Variants in BUB1B observed in about 807,000 individuals in gnomAD.
The protein encoded by BUB1B is mitotic checkpoint serine/threonine-protein kinase BUB1 beta.
Under a neutral mutation model 137.7 loss-of-function variants are expected in BUB1B, and 86 were observed. The ratio of observed to expected loss-of-function variants is 0.62; its 90% confidence interval spans 0.52 to 0.75. The LOEUF is 0.75. BUB1B is among the 30% of genes least tolerant of loss of function. BUB1B has a pLI of 0.00. For missense variants in BUB1B, 1,130 were observed against 1,236.9 expected (o/e 0.91, Z 1.30); for synonymous variants, 420 against 417.9 (o/e 1.00, Z -0.06).
chr15:40,192,224 T>C (rs1215241811), intron 8 of BUB1B, among the ~76,000 whole-genome samples: 1 of 152,206 alleles, frequency 6.6e-6, no homozygotes, highest in Non-Finnish European at 1.5e-5. Context: ...TTAATAGACT[T>C]TATTTTTTAG....
chr15:40,185,483 C>G, intron 7 of BUB1B, 68 bp from the exon 8 acceptor site: 1 of 1,581,556 alleles, frequency 6.3e-7, no homozygotes, highest in South Asian at 1.1e-5. Context: ...GAATATTTAG[C>G]CATGGTCTAT....
At position 40,220,933 on chromosome 15, in the gene BUB1B, A is replaced by G. The variant is rs568829255; in HGVS notation, c.*174A>G. The G allele has an allele frequency of 1.0e-5, 7 of 690,312 alleles. No homozygotes were observed. The East Asian group carries it at 1.9e-4, about 19-fold the overall frequency. 42.8% of individuals were successfully genotyped at this position (690,312 alleles called of 1,614,324 possible). On this transcript the variant is annotated 3_prime_UTR_variant, in exon 23 of 23. Transcript: ENST00000287598. ...TCACTGATATTTTTTATACAGTGAT[A>G]TACTTACTCATGGCCTTGTCTAACT...
chr15:40,213,777 A>ACC (rs2037743008), intron 20 of BUB1B, among the ~76,000 whole-genome samples: 1 of 152,144 alleles, frequency 6.6e-6, no homozygotes, highest in African/African-American at 2.4e-5. Context: ...GCCTCAAGTG[A>ACC]TCTGCCCACC....
chr15:40,176,733 T>C (rs537946550), intron 5 of BUB1B, 60 bp downstream of exon 5: 4 of 1,556,768 alleles, frequency 2.6e-6, no homozygotes, highest in Admixed American at 3.4e-5. Context: ...TTATCTCTTT[T>C]TTGCATCTGA....
At chr15:40,200,047 C>G in intron 10 of BUB1B, 197 bp from the exon 11 acceptor site, 1 of 622,634 alleles carries the variant, frequency 1.6e-6, no homozygotes, top group Non-Finnish European at 2.9e-6. Context: ...TAGTATATGC[C>G]TGGCACTGCT....
chr15:40,196,045 A>T (rs2037493620), intron 8 of BUB1B, among the ~76,000 whole-genome samples: 1 of 152,182 alleles, frequency 6.6e-6, no homozygotes, highest in South Asian at 2.1e-4. Flanking sequence ...TTGGTCATGA[A>T]GTCTTTACCG....
At chr15:40,216,474 T>C (rs1478286271) in intron 20 of BUB1B, among the ~76,000 whole-genome samples, 1 of 149,614 alleles carries the variant, frequency 6.7e-6, no homozygotes, top group Non-Finnish European at 1.5e-5. Flanking sequence ...GCACACACTT[T>C]ACATATATAT....
intron 14 of BUB1B, among the ~76,000 whole-genome samples, chr15:40,205,469 C>A (rs550955090): frequency 6.6e-6 from 1 of 152,206 alleles, no homozygotes; most frequent in South Asian, 2.1e-4. Flanking sequence ...AGATAAAGAA[C>A]TTTAGTGTTT....
Position 40,208,733 on chromosome 15 carries a change from A to G in BUB1B, c.2106A>G (p.Gln702=). The part of the protein sequence containing the change: ...VASTSSIKCL[Q]IPEKLELTNE... ...GCACCTCCTCCATCAAATGTCTTCAAATTCCTGAGAAACTAGAACTTACTA... is the reference window on the plus strand; with the variant it reads ...GCACCTCCTCCATCAAATGTCTTCAGATTCCTGAGAAACTAGAACTTACTA... The change falls in exon 16 of 23, where the codon CAA becomes CAG. Residue 702 remains glutamine (Q), a synonymous_variant. Transcript: ENST00000287598. 4 of 1,613,582 alleles carry G rather than the reference A, an allele frequency of 2.5e-6. No homozygotes were observed. The highest frequency in any genetic ancestry group is 3.4e-6 in the Non-Finnish European group (4 of 1,179,478).
chr15:40,171,148 GCT>G (rs2037157572), intron 4 of BUB1B, among the ~76,000 whole-genome samples: 1 of 152,072 alleles, frequency 6.6e-6, no homozygotes, highest in Non-Finnish European at 1.5e-5. Context: ...TGTTACCCAG[GCT>G]GGTCTTGAAC....
chr15:40,208,877 C>A, intron 16 of BUB1B, 107 bp downstream of exon 16: 2 of 1,163,110 alleles, frequency 1.7e-6, no homozygotes, highest in South Asian at 1.3e-5. Context: ...CTCTGTCACC[C>A]AGGATGGAGT....
At position 40,205,093 on chromosome 15, in the gene BUB1B, CCCA is replaced by C. The variant is rs2037621582; in HGVS notation, c.1735-1083_1735-1081del. 2.6e-5 allele frequency among the ~76,000 whole-genome samples: 4 copies of C among 151,784 alleles called. 1 individual carries two copies. In the South Asian group the frequency reaches 8.4e-4, roughly 32 times the overall value. ...TCCCGAGTAGCTGGGATTACAGGCG[CCCA>C]CCACCACGCCCAGCTAATTTTTGTA... On this transcript the variant is annotated intron_variant, in intron 14 of 22. Coordinates refer to ENST00000287598, the MANE Select transcript of BUB1B (RefSeq NM_001211.6).
At chr15:40,200,890 G>T in intron 11 of BUB1B, 41 bp from the exon 12 acceptor site, 2 of 1,572,138 alleles carry the variant, frequency 1.3e-6, no homozygotes, top group Non-Finnish European at 1.7e-6. Flanking sequence ...AGTTCTTTCT[G>T]TGGGTATTGA....
rs1440480264 is a variant in BUB1B at position 40,183,844 on chromosome 15, G to A, written c.712G>A (p.Ala238Thr). 1.2e-6 allele frequency: 2 copies of A among 1,614,098 alleles called. No individual in the cohort carries two copies. Among genetic ancestry groups the A allele is most frequent in the African/African-American group, 1.3e-5 (1 of 75,058 alleles). ...ACTAAAGAGCAAAGGGAAAAAGACAGCAAGAGCTCCAATCATCCGTGTAGG... is the reference window on the plus strand; with the variant it reads ...ACTAAAGAGCAAAGGGAAAAAGACAACAAGAGCTCCAATCATCCGTGTAGG... The part of the protein sequence containing the change: ...AELKSKGKKT[A>T]RAPIIRVGGA... Residue 238 changes from alanine to threonine, a missense_variant, in exon 6 of 23, where the codon GCA (alanine) becomes ACA (threonine). Ala to Thr is a moderately conservative substitution (Grantham distance 58, BLOSUM62 0). Coordinates refer to ENST00000287598, the MANE Select transcript of BUB1B (RefSeq NM_001211.6).
At position 40,209,847 on chromosome 15, in the gene BUB1B, T is replaced by C. The variant is rs866376187; in HGVS notation, c.2284+72T>C. On this transcript the variant is annotated intron_variant, in intron 17 of 22. Coordinates refer to ENST00000287598, the MANE Select transcript of BUB1B (RefSeq NM_001211.6). Reference sequence around the variant, plus strand: ...ATAAGTGATTATTTGTACTTAAGCTTGATGCTTGAGCACTGTAAATATTCC... The same window carrying C: ...ATAAGTGATTATTTGTACTTAAGCTCGATGCTTGAGCACTGTAAATATTCC... 53 of 1,575,864 alleles carry C rather than the reference T, an allele frequency of 3.4e-5. No homozygotes were observed. The African/African-American group carries it at 6.5e-4, about 19-fold the overall frequency.
intron 5 of BUB1B, among the ~76,000 whole-genome samples, chr15:40,182,681 A>C (rs970626845): frequency 4.6e-5 from 7 of 152,180 alleles, no homozygotes; most frequent in Non-Finnish European, 8.8e-5. Context: ...ATTCACATAC[A>C]GAATTAGGAG....
chr15:40,210,320 C>A lies in BUB1B; in HGVS notation c.2385+110C>A, dbSNP rs149134424. The A allele has an allele frequency of 3.3e-5, 28 of 850,816 alleles. No homozygotes were observed. The African/African-American group carries it at 4.6e-4, about 14-fold the overall frequency. The allele number at this position is 850,816 out of a possible 1,614,324, so 52.7% of individuals were successfully genotyped here. ...TTCTAATAATCTCTTTCAATATGTC[C>A]AAATATATTAAGTATCCTTTCAGTT... On this transcript the variant is annotated intron_variant, in intron 18 of 22. Transcript: ENST00000287598.
chr15:40,204,058 T>C (rs2037607456), intron 14 of BUB1B, among the ~76,000 whole-genome samples: 1 of 152,200 alleles, frequency 6.6e-6, no homozygotes, highest in African/African-American at 2.4e-5. Flanking sequence ...TGCACAAATA[T>C]TGTACAGCTA....
chr15:40,181,752 A>G (rs1442226802), intron 5 of BUB1B, among the ~76,000 whole-genome samples: 1 of 152,174 alleles, frequency 6.6e-6, no homozygotes, highest in Non-Finnish European at 1.5e-5. Context: ...GAAACCATTC[A>G]ACATAAATTT....
Sources: gnomAD v4.1 joint callset for allele counts (sites outside exome capture counted in the v4.1 genomes callset) on GRCh38, gnomAD v4.1.1 for gene constraint, MANE v1.5 for transcripts, NCBI Gene and HGNC (gene_info 2026-07-23, HGNC 2026-07-21) for gene names.